The following ANKRD24 variants were observed in gnomAD, a reference collection of about 807,000 sequenced individuals.
ANKRD24 encodes ankyrin repeat domain-containing protein 24.
Under a neutral mutation model 127.8 loss-of-function variants are expected in ANKRD24, and 109 were observed. The observed-to-expected ratio is 0.85, with a 90% CI of 0.73 to 1.00. The LOEUF is 1.00. Ranked by LOEUF, ANKRD24 falls within the 50% of genes least tolerant of loss-of-function variation. The probability of loss-of-function intolerance (pLI) is 0.00; values close to 1 mark genes in which losing one functional copy is unlikely to be tolerated. For missense variants in ANKRD24, 1,648 were observed against 1,570.2 expected (o/e 1.05, Z -0.84); for synonymous variants, 743 against 671.1 (o/e 1.11, Z -1.66).
In ANKRD24 at chr19:4,217,649, G is replaced by A. The variant is rs1189095200; in HGVS notation, c.2489G>A (p.Arg830Gln). 2.1e-5 allele frequency: 27 copies of A among 1,285,052 alleles called. No homozygotes were observed. The highest frequency in any genetic ancestry group is 2.5e-5 in the Non-Finnish European group (25 of 1,019,588). 79.6% of individuals were successfully genotyped at this position (1,285,052 alleles called of 1,614,324 possible). Residue 830 changes from arginine (R) to glutamine (Q), a missense_variant, in exon 18 of 22, where the codon CGG becomes CAG. Coordinates refer to ENST00000318934, the MANE Select transcript of ANKRD24 (RefSeq NM_001393985.1). ...CGGCTGCTGGCGGAGGAGGAGGCGC[G>A]GGGCCTGCGGGCCGAGCTGGCCCAG... ...ASRLLAEEEA[R>Q]GLRAELAQRE... is the part of the protein sequence containing the mutation.
chr19:4,186,363 C>T, intron 1 of ANKRD24, 27 bp from the exon 2 acceptor site: 6 of 1,555,988 alleles, frequency 3.9e-6, no homozygotes, highest in Non-Finnish European at 5.2e-6. Flanking sequence ...GTGTCCCTCA[C>T]CTTACCCCCA....
chr19:4,214,448 A>G (rs1180910997), intron 15 of ANKRD24, among the ~76,000 whole-genome samples: 1 of 152,108 alleles, frequency 6.6e-6, no homozygotes, highest in East Asian at 1.9e-4. Flanking sequence ...CCCCACCAGT[A>G]TTTCTGAAAA....
Position 4,198,341 on chromosome 19 carries a change from AGGGAGGGCGGGACCGGGC to A in ANKRD24, c.37-1338_37-1321del, listed in dbSNP as rs753105321. ...AGGGCAAGGGGGAGGGGGCGGCACC[AGGGAGGGCGGGACCGGGC>A]GGGCGGGCGGGGCGGGGAGCTCCGG... On this transcript the variant is annotated intron_variant, in intron 2 of 21. Transcript: ENST00000318934. The surrounding 1 kb of genome is among the most constrained non-coding windows in gnomAD (Gnocchi z 6.1). 4 of 28,368 alleles carry A rather than the reference AGGGAGGGCGGGACCGGGC, an allele frequency of 1.4e-4. No homozygotes were observed. Among genetic ancestry groups the A allele is most frequent in the East Asian group, 1.2e-3 (1 of 844 alleles). The allele number at this position is 28,368 out of a possible 1,614,324, so 1.8% of individuals were successfully genotyped here.
chr19:4,189,434 G>T (rs1968259482), intron 2 of ANKRD24, among the ~76,000 whole-genome samples: 1 of 151,036 alleles, frequency 6.6e-6, no homozygotes, highest in African/African-American at 2.4e-5. Context: ...TGTATTTTTA[G>T]TAGAGATGGG....
intron 11 of ANKRD24, among the ~76,000 whole-genome samples, chr19:4,209,552 T>A (rs1272919781): frequency 6.6e-6 from 1 of 151,718 alleles, no homozygotes; most frequent in Non-Finnish European, 1.5e-5. Flanking sequence ...CAGGTTCAAG[T>A]GATTCTCCTG....
Position 4,219,711 on chromosome 19 carries a change from AGCCGGGCCCAGG to A in ANKRD24, c.3125_3136del (p.Ser1042_Glu1046delinsLys). Reference sequence around the variant, plus strand: ...GGCGGAAAGGGCTCGCCAGGCCCAGAGCCGGGCCCAGGAGGCTCTGGACAAGGCCAAGGAGAA... The same window carrying A: ...GGCGGAAAGGGCTCGCCAGGCCCAGAAGGCTCTGGACAAGGCCAAGGAGAA... On this transcript the variant is annotated inframe_deletion, in exon 19 of 22. Transcript: ENST00000318934. 2 of 1,613,494 alleles carry A rather than the reference AGCCGGGCCCAGG, an allele frequency of 1.2e-6. No individual in the cohort carries two copies. The highest frequency in any genetic ancestry group is 1.7e-6 in the Non-Finnish European group (2 of 1,179,678).
At chr19:4,208,238 T>A (rs893154878) in intron 10 of ANKRD24, among the ~76,000 whole-genome samples, 3 of 151,988 alleles carry the variant, frequency 2.0e-5, no homozygotes, top group Admixed American at 1.3e-4. Context: ...GCAAGGTGGC[T>A]CATGCCTGTA....
chr19:4,215,843 G>T, intron 15 of ANKRD24, 135 bp from the exon 16 acceptor site: 1 of 667,226 alleles, frequency 1.5e-6, no homozygotes. Context: ...AAATCCTTGT[G>T]GGCCAAATGC....
rs1970209793 is a variant in ANKRD24, at chr19:4,217,916, A to C, written c.2756A>C (p.His919Pro). 4 of 1,489,242 alleles carry C rather than the reference A, an allele frequency of 2.7e-6. No homozygotes were observed. In the East Asian group the frequency reaches 1.1e-4, roughly 41 times the overall value. The allele number at this position is 1,489,242 out of a possible 1,614,324, so 92.3% of individuals were successfully genotyped here. The change falls in exon 18 of 22, where the codon CAC (histidine) becomes CCC (proline). Residue 919 changes from histidine to proline, a missense_variant. Transcript: ENST00000318934. ...CAGTCCGTGGTGCCGGCCTCTGAGC[A>C]CCGCCGGCTGCAGGAGGAGGCCCTG... Reference protein sequence around the residue: ...LRQSVVPASEHRRLQEEALEL... With the variant: ...LRQSVVPASEPRRLQEEALEL...
intron 18 of ANKRD24, 65 bp downstream of exon 18, chr19:4,218,228 C>A: frequency 1.5e-6 from 2 of 1,376,842 alleles, no homozygotes; most frequent in Non-Finnish European, 1.9e-6. Flanking sequence ...TGTTTTAGCC[C>A]CGCAGCCTTG....
chr19:4,212,679 G>A lies in ANKRD24; in HGVS notation c.1178G>A (p.Ser393Asn), dbSNP rs1969812659. 1 of 1,550,956 alleles carries A rather than the reference G, an allele frequency of 6.4e-7. No individual in the cohort carries two copies. The highest frequency in any genetic ancestry group is 8.7e-7 in the Non-Finnish European group (1 of 1,147,020). The change falls in exon 15 of 22, where the codon AGC (serine) becomes AAC (asparagine). Residue 393 changes from serine (S) to asparagine (N), a missense_variant. Physicochemically the swap from Ser to Asn is conservative, Grantham distance 46. Transcript: ENST00000318934. Reference protein sequence around the residue: ...SLGREVESLQSRLSLLENERE... With the variant: ...SLGREVESLQNRLSLLENERE... ...GGACGGGAGGTGGAGAGTTTGCAGAGCCGGCTGTCCCTGCTGGAGGTAGGA... is the reference window on the plus strand; with the variant it reads ...GGACGGGAGGTGGAGAGTTTGCAGAACCGGCTGTCCCTGCTGGAGGTAGGA...
chr19:4,200,737 G>C (rs1317756291), intron 5 of ANKRD24, among the ~76,000 whole-genome samples: 1 of 152,062 alleles, frequency 6.6e-6, no homozygotes, highest in Non-Finnish European at 1.5e-5. Context: ...GCCCAGGCCG[G>C]TCTTGAACTC....
At chr19:4,200,314 C>T (rs1969028198) in intron 5 of ANKRD24, 143 bp downstream of exon 5, 2 of 909,120 alleles carry the variant, frequency 2.2e-6, no homozygotes, top group South Asian at 1.7e-5. Flanking sequence ...CCCCTGCCCC[C>T]AGGGAGACAC....
chr19:4,209,875 T>C (rs1208104807), intron 11 of ANKRD24, among the ~76,000 whole-genome samples, 183 bp from the exon 12 acceptor site: 1 of 152,134 alleles, frequency 6.6e-6, no homozygotes, highest in Non-Finnish European at 1.5e-5. Flanking sequence ...ATCTGGAACT[T>C]ACAGGGAGTT....
rs552044280 is a variant in ANKRD24, at chr19:4,208,805, T to C, written c.870+4T>C. 9.3e-6 allele frequency: 15 copies of C among 1,613,082 alleles called. No homozygotes were observed. The East Asian group carries it at 3.1e-4, about 34-fold the overall frequency. On this transcript the variant is annotated splice_donor_region_variant and intron_variant, in intron 11 of 21. Transcript: ENST00000318934. ...TTCAGGCGAGGCGTCATCTCAGGTA[T>C]GGACCCCTAAGCAGTGAAGGAGCCC... is the stretch of plus-strand genomic sequence containing the variant.
rs1324258033 is a variant in ANKRD24, at chr19:4,207,847, A to G, written c.711A>G (p.Gly237=). The G allele has an allele frequency of 7.7e-6, 12 of 1,567,088 alleles. No individual in the cohort carries two copies. The highest frequency in any genetic ancestry group is 1.0e-5 in the Non-Finnish European group (12 of 1,158,330). ...PETVEVLLQG[G]AQPGITDALG... ...CAGTGGAGGTCCTGCTGCAGGGCGG[A>G]GCCCAGCCGGGCATCACCGATGCGC... The change falls in exon 10 of 22, where the codon GGA becomes GGG. Residue 237 remains glycine (G), a synonymous_variant. Transcript: ENST00000318934.
chr19:4,224,353 T>A, intron 21 of ANKRD24, 75 bp from the exon 22 acceptor site: 1 of 1,531,176 alleles, frequency 6.5e-7, no homozygotes, highest in Non-Finnish European at 8.9e-7. Context: ...TGGCTTGGTC[T>A]ATGGGAGTGG....
In ANKRD24 at chr19:4,217,223, G is replaced by C. The variant is rs369990850; in HGVS notation, c.2063G>C (p.Ser688Thr). Residue 688 changes from serine (S) to threonine (T), a missense_variant, in exon 18 of 22, where the codon AGT becomes ACT. Ser to Thr is a moderately conservative substitution (Grantham distance 58, BLOSUM62 1). Coordinates refer to ENST00000318934, the MANE Select transcript of ANKRD24 (RefSeq NM_001393985.1). ...ACAGGGATGGAATCCACAGGAGTCA[G>C]TGCCACAGGTGTGGAGAACCCAGGG... ...RATGMESTGVSATGVENPGVE... is the reference protein window; with the variant it reads ...RATGMESTGVTATGVENPGVE... The C allele has an allele frequency of 2.1e-4, 343 of 1,601,038 alleles. 1 individual carries two copies. Among genetic ancestry groups the C allele is most frequent in the Admixed American group, 1.7e-4 (10 of 57,346 alleles).
chr19:4,202,454 C>T (rs1035995661), intron 6 of ANKRD24, among the ~76,000 whole-genome samples: 42 of 152,170 alleles, frequency 2.8e-4, no homozygotes, highest in Admixed American at 2.3e-3. Context: ...CCTGTAATCT[C>T]AGCTACTAGG....
Sources: gnomAD v4.1 joint callset for allele counts (sites outside exome capture counted in the v4.1 genomes callset) on GRCh38, gnomAD v4.1.1 for gene constraint, Gnocchi (gnomAD v3.1) non-coding constraint, MANE v1.5 for transcripts, NCBI Gene and HGNC (gene_info 2026-07-23, HGNC 2026-07-21) for gene names.